Variants in ARHGEF6 observed in about 807,000 individuals in gnomAD.
ARHGEF6 encodes the protein Rac/Cdc42 guanine nucleotide exchange factor 6, also known as rho guanine nucleotide exchange factor 6.
Under a neutral mutation model 70.3 loss-of-function variants are expected in ARHGEF6, and 9 were observed. That is an observed-to-expected ratio of 0.13 (90% CI 0.08 to 0.22). The LOEUF (loss-of-function observed/expected upper bound fraction) is 0.22. Among genes scored for constraint, ARHGEF6 ranks in the 10% least tolerant of loss-of-function variants. The probability of loss-of-function intolerance (pLI) is 1.00; values close to 1 mark genes in which losing one functional copy is unlikely to be tolerated. For missense variants in ARHGEF6, 470 were observed against 563.0 expected (o/e 0.83, Z 1.67); for synonymous variants, 201 against 207.8 (o/e 0.97, Z 0.28).
chrX:136,674,975 C>T, intron 19 of ARHGEF6, 32 bp downstream of exon 19: 2 of 1,162,556 alleles, frequency 1.7e-6, no homozygotes, highest in South Asian at 1.8e-5. Context: ...AGAAACGTCA[C>T]TCACTAGAGA....
intron 2 of ARHGEF6, among the ~76,000 whole-genome samples, chrX:136,758,705 T>C (rs2077236081): frequency 1.8e-5 from 2 of 111,600 alleles, no homozygotes. Context: ...CCCAGCTTTC[T>C]TTCTGTCCTC....
intron 2 of ARHGEF6, among the ~76,000 whole-genome samples, chrX:136,748,052 T>A (rs1249211167): frequency 8.9e-6 from 1 of 112,101 alleles, no homozygotes; most frequent in Non-Finnish European, 1.9e-5. Context: ...CTGTGCCTAG[T>A]TGAGTCACTG....
At chrX:136,758,028 ATTCTTTTTTTTTTTTTTTT>A (rs1275745478) in intron 2 of ARHGEF6, among the ~76,000 whole-genome samples, 14 of 29,746 alleles carry the variant, frequency 4.7e-4, no homozygotes, top group African/African-American at 2.0e-3. Flanking sequence ...CTAAAAATAA[ATTCTTTTTTTTTTTTTTTT>A]TTTTTTTTTT....
intron 9 of ARHGEF6, among the ~76,000 whole-genome samples, chrX:136,694,800 G>GA (rs756807470): frequency 2.2e-4 from 25 of 111,843 alleles, no homozygotes; most frequent in Non-Finnish European, 3.8e-4. Flanking sequence ...TCACCCAGGG[G>GA]ACAACAAAAG....
chrX:136,718,885 G>A (rs1483883432), intron 6 of ARHGEF6, among the ~76,000 whole-genome samples: 7 of 108,399 alleles, frequency 6.5e-5, no homozygotes, highest in Non-Finnish European at 1.3e-4. Context: ...GACATTAGAA[G>A]TAGCTATATA....
chrX:136,729,725 G>A (rs1250119116), intron 6 of ARHGEF6, among the ~76,000 whole-genome samples: 1 of 108,233 alleles, frequency 9.2e-6, no homozygotes, highest in African/African-American at 3.4e-5. Flanking sequence ...AGCTACTCGG[G>A]AGGCTGAGGC....
chrX:136,765,228 G>C (rs1368651414), intron 2 of ARHGEF6, among the ~76,000 whole-genome samples: 3 of 111,976 alleles, frequency 2.7e-5, no homozygotes, highest in Non-Finnish European at 5.6e-5. Flanking sequence ...AGGTGCCTGA[G>C]AAATGGTAGA....
At chrX:136,701,709 T>C (rs12398352) in intron 9 of ARHGEF6, among the ~76,000 whole-genome samples, 24 of 80,335 alleles carry the variant, frequency 3.0e-4, no homozygotes, top group African/African-American at 1.0e-3. Flanking sequence ...TTTCTTTTTT[T>C]TTTTTTTTTT....
intron 2 of ARHGEF6, among the ~76,000 whole-genome samples, chrX:136,752,051 C>G (rs1181533383): frequency 9.0e-6 from 1 of 111,375 alleles, no homozygotes; most frequent in Non-Finnish European, 1.9e-5. Flanking sequence ...TGCATGTACA[C>G]CTTATGTTTC....
intron 7 of ARHGEF6, among the ~76,000 whole-genome samples, chrX:136,710,074 G>C (rs957586007): frequency 1.8e-5 from 2 of 110,349 alleles, no homozygotes; most frequent in Non-Finnish European, 3.8e-5. Context: ...GGGAGGCTAA[G>C]GCAGGCAGAT....
chrX:136,743,564 C>G (rs760915023), intron 5 of ARHGEF6, 21 bp downstream of exon 5: 9 of 1,192,607 alleles, frequency 7.5e-6, no homozygotes, highest in Non-Finnish European at 1.0e-5. Flanking sequence ...AATCAAAAAG[C>G]CTTTTAAAAA....
At chrX:136,731,830 T>C (rs2076938136) in intron 6 of ARHGEF6, among the ~76,000 whole-genome samples, 1 of 112,571 alleles carries the variant, frequency 8.9e-6, no homozygotes, top group Admixed American at 9.4e-5. Flanking sequence ...AATTCTTACA[T>C]ACTAGCCAAT....
chrX:136,743,069 G>T (rs1472162529), intron 5 of ARHGEF6, among the ~76,000 whole-genome samples: 1 of 112,203 alleles, frequency 8.9e-6, no homozygotes, highest in Admixed American at 9.4e-5. Flanking sequence ...AAGGTAAACA[G>T]CTAGCAGTAT....
chrX:136,695,291 C>A (rs2076499061), intron 9 of ARHGEF6, among the ~76,000 whole-genome samples: 1 of 112,032 alleles, frequency 8.9e-6, no homozygotes, highest in African/African-American at 3.2e-5. Context: ...AAATTTAGTT[C>A]TATGAGGACT....
At chrX:136,704,997 G>A (rs779863727) in intron 9 of ARHGEF6, among the ~76,000 whole-genome samples, 3 of 112,005 alleles carry the variant, frequency 2.7e-5, no homozygotes, top group South Asian at 7.5e-4. Flanking sequence ...AATTGGTGCA[G>A]TGACTTTGTT....
chrX:136,730,692 T>C (rs1348005135), intron 6 of ARHGEF6, among the ~76,000 whole-genome samples: 1 of 112,266 alleles, frequency 8.9e-6, no homozygotes, highest in Non-Finnish European at 1.9e-5. Context: ...AGCTATTCAA[T>C]GCAGAATTGT....
intron 2 of ARHGEF6, chrX:136,767,735 A>G: frequency 1.3e-6 from 1 of 754,910 alleles, no homozygotes; most frequent in Non-Finnish European, 1.6e-6. Flanking sequence ...GGAGCCGAGC[A>G]GCGGAGGGAA....
At chrX:136,755,984 T>C in intron 2 of ARHGEF6, among the ~76,000 whole-genome samples, 1 of 107,657 alleles carries the variant, frequency 9.3e-6, no homozygotes. Context: ...ATGATGTCAA[T>C]TTTTTTTTCA....
intron 18 of ARHGEF6, among the ~76,000 whole-genome samples, chrX:136,676,271 A>G (rs1197126000): frequency 1.8e-5 from 2 of 112,081 alleles, no homozygotes; most frequent in South Asian, 3.7e-4. Context: ...CTTCGGGTCT[A>G]TTTAGTCTAT....
Sources: gnomAD v4.1 joint callset for allele counts (sites outside exome capture counted in the v4.1 genomes callset) on GRCh38, gnomAD v4.1.1 for gene constraint, MANE v1.5 for transcripts, NCBI Gene and HGNC (gene_info 2026-07-23, HGNC 2026-07-21) for gene names.